Variants in ASMTL observed in about 807,000 individuals in gnomAD.
ASMTL encodes acetylserotonin O-methyltransferase like, also known as probable bifunctional dTTP/UTP pyrophosphatase/methyltransferase protein.
A neutral mutation model predicts 60.3 loss-of-function variants in ASMTL; 57 were observed. The ratio of observed to expected loss-of-function variants is 0.95; its 90% confidence interval spans 0.76 to 1.18. ASMTL has a LOEUF of 1.18. ASMTL is among the 50% of genes most tolerant of loss of function. The pLI, the probability that ASMTL is intolerant of heterozygous loss-of-function variation, is 0.00. For synonymous variants in ASMTL, 419 were observed against 373.0 expected, an observed-to-expected ratio of 1.12 and a Z score of -1.42; for missense variants, 981 against 852.6, an observed-to-expected ratio of 1.15 and a Z score of -1.88.
intron 8 of ASMTL, among the ~76,000 whole-genome samples, chrX:1,422,764 A>T (rs1279956922): frequency 6.6e-6 from 1 of 152,152 alleles, no homozygotes; most frequent in Non-Finnish European, 1.5e-5. Context: ...CTATAGTCAG[A>T]TAGATGACAT....
chrX:1,443,067 C>CT (rs1461403433), intron 1 of ASMTL, among the ~76,000 whole-genome samples: 7 of 103,622 alleles, frequency 6.8e-5, no homozygotes, highest in Admixed American at 1.0e-4. Context: ...GGACACACAC[C>CT]GTCGTCGTGG....
chrX:1,425,425 G>T, intron 8 of ASMTL, 100 bp downstream of exon 8: 3 of 1,329,998 alleles, frequency 2.3e-6, no homozygotes, highest in Non-Finnish European at 3.1e-6. Flanking sequence ...GACAGAAGGT[G>T]TGGGCCTCCT....
chrX:1,418,014 TG>T lies in ASMTL; in HGVS notation c.1480del (p.Gln494AsnfsTer77). On this transcript the variant is annotated frameshift_variant, in exon 11 of 13. Coordinates refer to ENST00000381317, the MANE Select transcript of ASMTL (RefSeq NM_004192.4). LOFTEE classifies it high-confidence loss of function. The stretch of plus-strand genomic sequence containing the variant: ...CTGCACTGCCTGCGGTCCGGGGGGT[TG>T]GAAGTGGGCGGCCAGCTCGATAATG... ...PDIIELAAHF[Q>X]PPGPQAVQIH... 1 of 1,613,174 alleles carries T rather than the reference TG, an allele frequency of 6.2e-7. No homozygotes were observed. The highest frequency in any genetic ancestry group is 8.5e-7 in the Non-Finnish European group (1 of 1,179,528).
At chrX:1,403,595 G>A (rs1193785463) in intron 12 of ASMTL, 106 bp from the exon 13 acceptor site, 1 of 1,062,514 alleles carries the variant, frequency 9.4e-7, no homozygotes, top group Non-Finnish European at 1.4e-6. Context: ...GGTGAGCAGA[G>A]GCTGCTGAGA....
chrX:1,450,268 G>A (rs1194508098), intron 1 of ASMTL, among the ~76,000 whole-genome samples: 9 of 151,846 alleles, frequency 5.9e-5, no homozygotes, highest in African/African-American at 1.7e-4. Flanking sequence ...CTACCTAGGC[G>A]TCCTACCACC....
chrX:1,413,013 T>TG, intron 11 of ASMTL, 159 bp from the exon 12 acceptor site: 1 of 761,228 alleles, frequency 1.3e-6, no homozygotes, highest in Non-Finnish European at 2.2e-6. Flanking sequence ...CGTGGGGACT[T>TG]GAACAGAGCT....
chrX:1,407,561 T>A, intron 12 of ASMTL, among the ~76,000 whole-genome samples: 1 of 151,828 alleles, frequency 6.6e-6, no homozygotes, highest in African/African-American at 2.4e-5. Flanking sequence ...GGATAGATAA[T>A]AAATGATAGA....
intron 1 of ASMTL, among the ~76,000 whole-genome samples, chrX:1,443,984 C>T (rs1472890021): frequency 1.2e-4 from 19 of 152,176 alleles, no homozygotes; most frequent in Admixed American, 1.2e-3. Flanking sequence ...TTTTAAGTTC[C>T]CTTGATTAAA....
rs752657387 is a variant in ASMTL, at chrX:1,452,871, C to G, written c.-31G>C. 1.6e-5 allele frequency: 24 copies of G among 1,489,984 alleles called. 1 individual carries two copies. The South Asian group carries it at 3.0e-4, about 18-fold the overall frequency. 92.3% of individuals were successfully genotyped at this position (1,489,984 alleles called of 1,614,324 possible). The stretch of plus-strand genomic sequence containing the variant: ...CCACGCCGGGAGCCGGGCGTCCGCA[C>G]TTCTGAGCCCGGAGCCCGCGGTGCG... On this transcript the variant is annotated 5_prime_UTR_variant, in exon 1 of 13. Transcript: ENST00000381317.
intron 3 of ASMTL, among the ~76,000 whole-genome samples, chrX:1,437,966 G>T (rs1423102801): frequency 6.6e-6 from 1 of 150,652 alleles, no homozygotes; most frequent in Non-Finnish European, 1.5e-5. Context: ...ATTAGGATGC[G>T]CATTTTATGA....
chrX:1,416,038 GT>G (rs1342445655), intron 11 of ASMTL, among the ~76,000 whole-genome samples: 1 of 43,810 alleles, frequency 2.3e-5, no homozygotes, highest in African/African-American at 5.6e-5. Flanking sequence ...CACAGATACA[GT>G]GACAGGCACA....
chrX:1,406,721 T>G (rs1414550124), intron 12 of ASMTL, among the ~76,000 whole-genome samples: 1 of 151,552 alleles, frequency 6.6e-6, no homozygotes, highest in African/African-American at 2.4e-5. Context: ...ATGAGATGGA[T>G]GGATTAGTGA....
At position 1,431,261 on chromosome X, in the gene ASMTL, AATT is replaced by A. The variant is rs1301954809; in HGVS notation, c.509+1005_509+1007del. Among the ~76,000 whole-genome samples the A allele has an allele frequency of 2.0e-3, 262 of 128,490 alleles. 1 individual carries two copies. The highest frequency in any genetic ancestry group is 7.5e-3 in the African/African-American group (253 of 33,906). 84.3% of individuals were successfully genotyped at this position (128,490 alleles called of 152,430 possible). On this transcript the variant is annotated intron_variant, in intron 6 of 12. Transcript: ENST00000381317. The stretch of plus-strand genomic sequence containing the variant: ...TTTATATATAATTATAAATATATGT[AATT>A]ATATATTTATATATAAATAAAATTA...
chrX:1,434,920 G>T (rs1331486192), intron 5 of ASMTL, 102 bp downstream of exon 5: 2 of 1,270,628 alleles, frequency 1.6e-6, no homozygotes, highest in Non-Finnish European at 2.3e-6. Flanking sequence ...TCCACAGGTG[G>T]GGGTGAGCAA....
At chrX:1,445,387 A>G (rs2091210869) in intron 1 of ASMTL, among the ~76,000 whole-genome samples, 1 of 152,192 alleles carries the variant, frequency 6.6e-6, no homozygotes, top group Admixed American at 6.5e-5. Context: ...CAACCTGGCC[A>G]AACTTGGCTT....
intron 11 of ASMTL, among the ~76,000 whole-genome samples, chrX:1,416,919 G>T (rs2090302796): frequency 6.7e-6 from 1 of 150,094 alleles, no homozygotes; most frequent in African/African-American, 2.5e-5. Context: ...ACACCACAGA[G>T]GTGCACACAC....
Position 1,412,811 on chromosome X carries a change from G to C in ASMTL, c.1566C>G (p.Val522=). ...GCCAGTCATGCAGGATCCGGCACAG[G>C]ACGTACAGCTCAGCGCTGGGGAGGG... ...RDPLPSAELY[V]LCRILHDWPD... The change falls in exon 12 of 13, where the codon GTC becomes GTG. Residue 522 remains valine, a synonymous_variant. Transcript: ENST00000381317. The C allele has an allele frequency of 3.1e-6, 5 of 1,614,002 alleles. No homozygotes were observed. The highest frequency in any genetic ancestry group is 3.3e-5 in the Admixed American group (2 of 60,016).
chrX:1,416,613 G>A (rs1411155661), intron 11 of ASMTL, among the ~76,000 whole-genome samples: 9 of 150,754 alleles, frequency 6.0e-5, no homozygotes, highest in Non-Finnish European at 1.0e-4. Flanking sequence ...CCACACAGAC[G>A]CACAGAAACA....
intron 6 of ASMTL, among the ~76,000 whole-genome samples, chrX:1,429,201 T>A (rs1174921969): frequency 6.6e-6 from 1 of 151,154 alleles, no homozygotes; most frequent in African/African-American, 2.4e-5. Flanking sequence ...GGCCCTCTTT[T>A]CTCTTTCTTA....
Sources: gnomAD v4.1 joint callset for allele counts (sites outside exome capture counted in the v4.1 genomes callset) on GRCh38, gnomAD v4.1.1 for gene constraint, MANE v1.5 for transcripts, NCBI Gene and HGNC (gene_info 2026-07-23, HGNC 2026-07-21) for gene names.